Variants in FRMD6 observed in about 807,000 individuals in gnomAD.
FRMD6 encodes the protein FERM domain containing 6.
FRMD6 carries 37 observed loss-of-function variants against 73.2 expected under a neutral mutation model. That is an observed-to-expected ratio of 0.51 (90% confidence interval 0.39 to 0.66). The LOEUF (loss-of-function observed/expected upper bound fraction) is 0.66. FRMD6 is among the 30% of genes least tolerant of loss of function. The pLI is 0.00. For missense variants in FRMD6, 714 were observed against 780.5 expected (o/e 0.91, Z 1.02); for synonymous variants, 273 against 282.2 (o/e 0.97, Z 0.33).
intron 1 of FRMD6, among the ~76,000 whole-genome samples, chr14:51,666,502 G>C (rs530556237): frequency 2.0e-5 from 3 of 152,326 alleles, no homozygotes; most frequent in Middle Eastern, 3.4e-3. Context: ...AAGTAGAGGT[G>C]CTGTGAGACT....
chr14:51,446,213 C>T, the FRMD6 span, among the ~76,000 whole-genome samples: 1 of 152,168 alleles, frequency 6.6e-6, no homozygotes, highest in South Asian at 2.1e-4. Flanking sequence ...TGCATCGCAG[C>T]AGAGCTTTGA....
chr14:51,397,586 T>C, the FRMD6 span, among the ~76,000 whole-genome samples: 184 of 152,312 alleles, frequency 1.2e-3, 4 homozygotes, highest in South Asian at 0.028. Flanking sequence ...GGGGCATAAG[T>C]GTGTTGTACT....
the FRMD6 span, among the ~76,000 whole-genome samples, chr14:51,476,320 A>G: frequency 9.5e-4 from 144 of 152,328 alleles, 2 homozygotes; most frequent in African/African-American, 2.6e-3. Flanking sequence ...GCTGCTGTCT[A>G]AAACAGGACC....
chr14:51,608,108 G>A (rs1461363586), intron 2 of FRMD6, among the ~76,000 whole-genome samples: 1 of 152,234 alleles, frequency 6.6e-6, no homozygotes, highest in East Asian at 1.9e-4. Flanking sequence ...AAAGGAGACT[G>A]CGGTGATTTG....
intron 1 of FRMD6, among the ~76,000 whole-genome samples, chr14:51,523,283 G>T (rs1426854809): frequency 6.6e-6 from 1 of 152,072 alleles, no homozygotes; most frequent in Non-Finnish European, 1.5e-5. Flanking sequence ...CTTCTGAACA[G>T]AATGATTTTG....
chr14:51,519,716 T>C (rs1157417440), intron 1 of FRMD6, among the ~76,000 whole-genome samples: 1 of 152,158 alleles, frequency 6.6e-6, no homozygotes, highest in Admixed American at 6.5e-5. Flanking sequence ...ATTGCTGACT[T>C]TGTGCAGTGA....
chr14:51,398,805 T>A, the FRMD6 span, among the ~76,000 whole-genome samples: 1 of 152,074 alleles, frequency 6.6e-6, no homozygotes, highest in Non-Finnish European at 1.5e-5. Context: ...TTTTCACTGG[T>A]CTCCAGGTTT....
At chr14:51,531,536 C>T (rs756750168) in intron 1 of FRMD6, among the ~76,000 whole-genome samples, 11 of 152,196 alleles carry the variant, frequency 7.2e-5, no homozygotes, top group East Asian at 5.8e-4. Flanking sequence ...GTTAATAGTA[C>T]GGTGCCAATG....
chr14:51,686,686 T>C (rs563665298), intron 1 of FRMD6, among the ~76,000 whole-genome samples: 354 of 152,220 alleles, frequency 2.3e-3, no homozygotes, highest in Non-Finnish European at 3.1e-3. Context: ...CCTAAGATCA[T>C]TGGACAGGAA....
chr14:51,446,175 G>A, the FRMD6 span, among the ~76,000 whole-genome samples: 1 of 152,164 alleles, frequency 6.6e-6, no homozygotes, highest in Admixed American at 6.5e-5. Flanking sequence ...TTCTTAAGAA[G>A]TTTACATTTT....
At chr14:51,576,161 C>G (rs1888392689) in intron 2 of FRMD6, 1 of 152,236 alleles carries the variant, frequency 6.6e-6, no homozygotes, top group African/African-American at 2.4e-5. Flanking sequence ...TCTGCAGAAA[C>G]TAGAGGCACA....
the FRMD6 span, among the ~76,000 whole-genome samples, chr14:51,426,432 G>A: frequency 0.087 from 13,169 of 152,102 alleles, 606 homozygotes; most frequent in East Asian, 0.12. Flanking sequence ...ACTTTTGTCT[G>A]TGTTCACTTA....
upstream of FRMD6, among the ~76,000 whole-genome samples, chr14:51,488,210 C>G (rs1030615246): frequency 6.6e-6 from 1 of 152,188 alleles, no homozygotes; most frequent in Non-Finnish European, 1.5e-5. Context: ...CTGAAATTTT[C>G]GCAGTAATTT....
At chr14:51,427,199 G>A in the FRMD6 span, among the ~76,000 whole-genome samples, 1 of 152,172 alleles carries the variant, frequency 6.6e-6, no homozygotes, top group Admixed American at 6.5e-5. Context: ...TTCCAACTGT[G>A]GGGAAGTTCC....
intron 2 of FRMD6, among the ~76,000 whole-genome samples, chr14:51,628,434 A>G (rs1200946511): frequency 2.0e-5 from 3 of 152,054 alleles, no homozygotes; most frequent in Non-Finnish European, 2.9e-5. Flanking sequence ...TCCCAAAATA[A>G]CTCTCATGCC....
intron 1 of FRMD6, among the ~76,000 whole-genome samples, chr14:51,663,510 A>G (rs1214729280): frequency 1.3e-5 from 2 of 152,262 alleles, no homozygotes; most frequent in Admixed American, 6.5e-5. Context: ...AAACTAATGC[A>G]GAAACAGAAA....
At chr14:51,428,331 C>A in the FRMD6 span, among the ~76,000 whole-genome samples, 2 of 152,062 alleles carry the variant, frequency 1.3e-5, no homozygotes, top group African/African-American at 2.4e-5. Context: ...ACGTGCCCAA[C>A]TATTTCAGAA....
chr14:51,623,412 A>T (rs572539311), intron 2 of FRMD6, among the ~76,000 whole-genome samples: 1 of 152,334 alleles, frequency 6.6e-6, no homozygotes, highest in East Asian at 1.9e-4. Flanking sequence ...AAATGATTAG[A>T]TTATGAAACC....
At chr14:51,562,754 T>C (rs1283640717) in intron 1 of FRMD6, among the ~76,000 whole-genome samples, 3 of 152,150 alleles carry the variant, frequency 2.0e-5, no homozygotes, top group Non-Finnish European at 2.9e-5. Flanking sequence ...GATGGGTTGA[T>C]TAAGAAACAC....
Sources: gnomAD v4.1 joint callset for allele counts (sites outside exome capture counted in the v4.1 genomes callset) on GRCh38, gnomAD v4.1.1 for gene constraint, MANE v1.5 for transcripts, NCBI Gene and HGNC (gene_info 2026-07-23, HGNC 2026-07-21) for gene names.